Variants in MAP2K1 observed in about 807,000 individuals in gnomAD.
MAP2K1 encodes dual specificity mitogen-activated protein kinase kinase 1.
Under a neutral mutation model 46.3 loss-of-function variants are expected in MAP2K1, and 16 were observed. The ratio of observed to expected loss-of-function variants is 0.35; its 90% CI spans 0.23 to 0.52. The LOEUF is 0.52. Ranked by LOEUF, MAP2K1 falls within the 20% of genes least tolerant of loss-of-function variation. The probability of loss-of-function intolerance (pLI) is 0.94; values close to 1 mark genes in which losing one functional copy is unlikely to be tolerated. For missense variants in MAP2K1, 263 were observed against 497.1 expected (o/e 0.53, Z 4.48); for synonymous variants, 183 against 185.6 (o/e 0.99, Z 0.11).
In MAP2K1 at chr15:66,435,078, G is replaced by A. The variant is rs2093484107; in HGVS notation, c.132G>A (p.Glu44=). The A allele has an allele frequency of 6.2e-7, 1 of 1,614,168 alleles. No individual in the cohort carries two copies. Residue 44 remains glutamate, a synonymous_variant, in exon 2 of 11, where the codon GAG becomes GAA. Transcript: ENST00000307102. ...AGCTGGAGGAGCTAGAGCTTGATGA[G>A]CAGCAGCGAAAGCGCCTTGAGGCCT... ...QKKLEELELD[E]QQRKRLEAFL...
At chr15:66,400,864 A>G (rs2093379938) in intron 1 of MAP2K1, among the ~76,000 whole-genome samples, 1 of 152,216 alleles carries the variant, frequency 6.6e-6, no homozygotes, top group Non-Finnish European at 1.5e-5. Flanking sequence ...GAGGTTGAAG[A>G]GAAAATGGAC....
At chr15:66,480,971 G>T (rs971425016) in intron 5 of MAP2K1, among the ~76,000 whole-genome samples, 1 of 152,214 alleles carries the variant, frequency 6.6e-6, no homozygotes, top group African/African-American at 2.4e-5. Context: ...TGGAAATTTA[G>T]GTCTCTGCAA....
intron 5 of MAP2K1, among the ~76,000 whole-genome samples, chr15:66,453,241 G>A (rs900891138): frequency 7.2e-5 from 11 of 152,174 alleles, no homozygotes; most frequent in African/African-American, 2.7e-4. Context: ...CTTCCGCCTA[G>A]TGCTGCCCCC....
intron 5 of MAP2K1, among the ~76,000 whole-genome samples, chr15:66,462,213 A>G (rs1459036216): frequency 6.6e-6 from 1 of 152,146 alleles, no homozygotes; most frequent in Non-Finnish European, 1.5e-5. Context: ...TAATGAAATA[A>G]GATTGGGGCG....
At chr15:66,394,648 G>A (rs11856114) in intron 1 of MAP2K1, among the ~76,000 whole-genome samples, 8,533 of 152,028 alleles carry the variant, frequency 0.056, 339 homozygotes, top group Middle Eastern at 0.11. Context: ...ATAGGGTCTT[G>A]CTGTATTGCC....
chr15:66,489,999 G>T (rs945416109), intron 10 of MAP2K1: 1 of 599,520 alleles, frequency 1.7e-6, no homozygotes, highest in Admixed American at 2.9e-5. Flanking sequence ...GCCTGAGGGG[G>T]CCATGGGAAA....
At chr15:66,429,545 T>C (rs141463604) in intron 1 of MAP2K1, among the ~76,000 whole-genome samples, 1 of 152,162 alleles carries the variant, frequency 6.6e-6, no homozygotes, top group African/African-American at 2.4e-5. Flanking sequence ...TGATTTCCTA[T>C]AGGTAGTTGA....
At chr15:66,456,024 G>C (rs1315104303) in intron 5 of MAP2K1, among the ~76,000 whole-genome samples, 1 of 152,154 alleles carries the variant, frequency 6.6e-6, no homozygotes, top group African/African-American at 2.4e-5. Flanking sequence ...GTGACATTCT[G>C]ACAGTCATGG....
intron 1 of MAP2K1, among the ~76,000 whole-genome samples, chr15:66,402,472 G>A (rs189481422): frequency 2.6e-4 from 40 of 152,206 alleles, no homozygotes; most frequent in African/African-American, 6.5e-4. Flanking sequence ...CCACTCTTAC[G>A]TAGTTTTGAG....
intron 1 of MAP2K1, among the ~76,000 whole-genome samples, chr15:66,389,584 T>TTG (rs1442923923): frequency 6.9e-6 from 1 of 145,510 alleles, no homozygotes; most frequent in African/African-American, 2.6e-5. Context: ...TTTTTTTTTT[T>TTG]TTTTTTTTTT....
At chr15:66,442,877 G>A (rs745417348) in intron 3 of MAP2K1, among the ~76,000 whole-genome samples, 6 of 152,150 alleles carry the variant, frequency 3.9e-5, no homozygotes, top group Non-Finnish European at 7.3e-5. Flanking sequence ...TTGGCACACA[G>A]AACTCAGGGA....
chr15:66,491,153 TCAG>T lies in MAP2K1; in HGVS notation c.*542_*544del, dbSNP rs1732608648. 3.5e-6 allele frequency: 1 copy of T among 283,916 alleles called. No homozygotes were observed. The highest frequency in any genetic ancestry group is 2.2e-5 in the African/African-American group (1 of 46,118). 17.6% of individuals were successfully genotyped at this position (283,916 alleles called of 1,614,324 possible). On this transcript the variant is annotated 3_prime_UTR_variant, in exon 11 of 11. Coordinates refer to ENST00000307102, the MANE Select transcript of MAP2K1 (RefSeq NM_002755.4). The stretch of plus-strand genomic sequence containing the variant: ...TTATTATTTGCTTTTCATGTAGAAC[TCAG>T]CAGTTGACATCCAAATCTAGCCAGA...
chr15:66,436,643 C>A, intron 2 of MAP2K1, 103 bp from the exon 3 acceptor site: 1 of 1,146,980 alleles, frequency 8.7e-7, no homozygotes, highest in Non-Finnish European at 1.3e-6. Flanking sequence ...CCTGTTTCTC[C>A]TCCCTCTACC....
chr15:66,438,291 G>C (rs546603610), intron 3 of MAP2K1, among the ~76,000 whole-genome samples: 7 of 151,890 alleles, frequency 4.6e-5, no homozygotes, highest in Non-Finnish European at 1.0e-4. Flanking sequence ...GTTTCACCAT[G>C]TTGGCCAGGC....
intron 5 of MAP2K1, among the ~76,000 whole-genome samples, chr15:66,469,473 T>C (rs1255338251): frequency 6.5e-5 from 1 of 15,382 alleles, no homozygotes; most frequent in Admixed American, 6.4e-4. Context: ...TGGTGCCTCC[T>C]TTTTTTTTTT....
At chr15:66,407,136 A>G (rs1325086766) in intron 1 of MAP2K1, among the ~76,000 whole-genome samples, 17 of 152,120 alleles carry the variant, frequency 1.1e-4, no homozygotes, top group Non-Finnish European at 2.1e-4. Context: ...ATTGTTTTGT[A>G]GTATAGGGTC....
intron 5 of MAP2K1, among the ~76,000 whole-genome samples, chr15:66,460,862 G>A (rs1386981516): frequency 6.6e-6 from 1 of 152,172 alleles, no homozygotes; most frequent in East Asian, 1.9e-4. Flanking sequence ...GGTGTGGGAA[G>A]ATGGGTAGGG....
At chr15:66,438,696 G>A (rs1457121686) in intron 3 of MAP2K1, among the ~76,000 whole-genome samples, 1 of 152,188 alleles carries the variant, frequency 6.6e-6, no homozygotes, top group Non-Finnish European at 1.5e-5. Context: ...ATAGTGAGAT[G>A]TTCCTGCACA....
chr15:66,444,771 C>T (rs2140602210), intron 5 of MAP2K1, 64 bp downstream of exon 5: 1 of 1,276,754 alleles, frequency 7.8e-7, no homozygotes, highest in Non-Finnish European at 1.1e-6. Flanking sequence ...GCTGTTGCTT[C>T]CTCTTTTTTC....
Sources: gnomAD v4.1 joint callset for allele counts (sites outside exome capture counted in the v4.1 genomes callset) on GRCh38, gnomAD v4.1.1 for gene constraint, MANE v1.5 for transcripts, NCBI Gene and HGNC (gene_info 2026-07-23, HGNC 2026-07-21) for gene names.